PI4KA: variants seen among roughly 807,000 people sequenced by gnomAD.
PI4KA encodes the protein PI4-kinase alpha.
In PI4KA, 122 loss-of-function variants were observed where a neutral mutation model predicts 271.4. That is an observed-to-expected ratio of 0.45 (90% CI 0.39 to 0.52). The LOEUF is 0.52. Ranked by LOEUF, PI4KA falls within the 20% of genes least tolerant of loss-of-function variation. The pLI is 0.00. For missense variants in PI4KA, 1,969 were observed against 2,769.1 expected (o/e 0.71, Z 6.48); for synonymous variants, 1,041 against 1,078.8 (o/e 0.96, Z 0.69).
At chr22:20,767,460 T>C (rs1932636989) in intron 19 of PI4KA, among the ~76,000 whole-genome samples, 1 of 151,410 alleles carries the variant, frequency 6.6e-6, no homozygotes, top group African/African-American at 2.4e-5. Context: ...AAAAAAAGTA[T>C]AATAAATTAA....
At chr22:20,777,836 T>C (rs973190565) in intron 19 of PI4KA, among the ~76,000 whole-genome samples, 4 of 152,148 alleles carry the variant, frequency 2.6e-5, no homozygotes, top group Admixed American at 6.6e-5. Context: ...CAAAACAGAT[T>C]TGACAGGCCA....
chr22:20,835,780 G>A (rs181326845), intron 2 of PI4KA, among the ~76,000 whole-genome samples: 18 of 151,860 alleles, frequency 1.2e-4, no homozygotes, highest in African/African-American at 4.1e-4. Flanking sequence ...CGGGTGCGGT[G>A]GCTCACACCT....
intron 19 of PI4KA, chr22:20,786,233 C>G (rs539360786): frequency 2.8e-6 from 4 of 1,445,700 alleles, no homozygotes; most frequent in Admixed American, 3.3e-5. Flanking sequence ...CCTACCCACC[C>G]CCCAATCTCA....
chr22:20,769,418 C>T (rs1020028805), intron 19 of PI4KA, among the ~76,000 whole-genome samples: 1 of 152,136 alleles, frequency 6.6e-6, no homozygotes, highest in South Asian at 2.1e-4. Flanking sequence ...GCCTGTAATC[C>T]CAGCACTTTG....
chr22:20,739,364 C>T (rs1346360088), intron 32 of PI4KA, among the ~76,000 whole-genome samples: 5 of 144,026 alleles, frequency 3.5e-5, no homozygotes, highest in African/African-American at 5.1e-5. Flanking sequence ...AAAAAAGCAA[C>T]AACAAAAAAA....
chr22:20,766,042 T>C (rs1243607533), intron 19 of PI4KA, among the ~76,000 whole-genome samples: 3 of 151,994 alleles, frequency 2.0e-5, no homozygotes, highest in Non-Finnish European at 4.4e-5. Context: ...GAGGAAAACT[T>C]AGCCAGGAAA....
At chr22:20,770,787 A>C (rs12053811) in intron 19 of PI4KA, among the ~76,000 whole-genome samples, 9,567 of 152,060 alleles carry the variant, frequency 0.063, 304 homozygotes, top group East Asian at 0.08. Flanking sequence ...AGTTTTCCAA[A>C]CTTTAGTGAT....
intron 36 of PI4KA, among the ~76,000 whole-genome samples, chr22:20,732,366 G>A (rs1190488779): frequency 1.3e-5 from 2 of 152,164 alleles, no homozygotes; most frequent in Admixed American, 1.3e-4. Flanking sequence ...GGAGAACAGG[G>A]CATGGCCTCC....
chr22:20,843,421 A>G (rs1925845188), intron 1 of PI4KA, among the ~76,000 whole-genome samples: 1 of 115,692 alleles, frequency 8.6e-6, no homozygotes, highest in Non-Finnish European at 1.8e-5. Flanking sequence ...GGATCGCTTG[A>G]GCCTAGCAGG....
chr22:20,710,316 G>C (rs1925089570), intron 52 of PI4KA: 1 of 531,520 alleles, frequency 1.9e-6, no homozygotes. Context: ...GCAGGGCAGT[G>C]GGGATGAACC....
chr22:20,714,388 T>C, intron 47 of PI4KA, 70 bp downstream of exon 47: 1 of 1,516,544 alleles, frequency 6.6e-7, no homozygotes, highest in South Asian at 1.3e-5. Context: ...ATTTAACACA[T>C]GCCAGAAGAA....
At chr22:20,747,990 C>A (rs1314441093) in intron 28 of PI4KA, among the ~76,000 whole-genome samples, 1 of 152,242 alleles carries the variant, frequency 6.6e-6, no homozygotes, top group Non-Finnish European at 1.5e-5. Flanking sequence ...CCCGCCTCAG[C>A]ATCCCAAAAT....
At chr22:20,715,496 A>G (rs1045986618) in intron 45 of PI4KA, among the ~76,000 whole-genome samples, 19 of 151,708 alleles carry the variant, frequency 1.3e-4, no homozygotes, top group African/African-American at 4.6e-4. Flanking sequence ...TCTTTTTGAG[A>G]CGGAGTCCTA....
At chr22:20,830,693 G>A (rs1924041366) in intron 3 of PI4KA, among the ~76,000 whole-genome samples, 1 of 152,072 alleles carries the variant, frequency 6.6e-6, no homozygotes, top group Admixed American at 6.6e-5. Context: ...ATTGTTAGCT[G>A]GTTATTATGT....
chr22:20,803,087 G>T, intron 13 of PI4KA, 104 bp downstream of exon 13: 1 of 1,170,382 alleles, frequency 8.5e-7, no homozygotes, highest in Non-Finnish European at 1.3e-6. Flanking sequence ...GGAAAGGTGT[G>T]GCGAAGGAAT....
At chr22:20,711,002 G>A in intron 51 of PI4KA, 144 bp from the exon 52 acceptor site, 1 of 755,280 alleles carries the variant, frequency 1.3e-6, no homozygotes, top group East Asian at 2.7e-5. Context: ...CTTGGAGACA[G>A]TGATGGGGTG....
At chr22:20,827,627 A>G (rs1923590740) in intron 3 of PI4KA, among the ~76,000 whole-genome samples, 1 of 152,164 alleles carries the variant, frequency 6.6e-6, no homozygotes, top group South Asian at 2.1e-4. Flanking sequence ...CTGAATCCAT[A>G]AATTGCTCTG....
At chr22:20,751,217 G>T in intron 27 of PI4KA, 76 bp downstream of exon 27, 2 of 1,212,906 alleles carry the variant, frequency 1.6e-6, no homozygotes, top group South Asian at 1.3e-5. Flanking sequence ...GCTCATGCAG[G>T]TTGACCATCT....
intron 10 of PI4KA, among the ~76,000 whole-genome samples, chr22:20,806,003 G>A (rs1332233263): frequency 1.3e-5 from 2 of 151,964 alleles, no homozygotes; most frequent in Admixed American, 1.3e-4. Context: ...CATGATGCAC[G>A]CACAAGTCAG....
Sources: allele counts gnomAD v4.1 joint callset (sites outside exome capture counted in the v4.1 genomes callset), GRCh38; gene constraint gnomAD v4.1.1; transcripts MANE v1.5; gene names NCBI Gene and HGNC (gene_info 2026-07-23, HGNC 2026-07-21).